The following HELLS variants were observed in gnomAD, a reference collection of about 807,000 sequenced individuals.
HELLS encodes lymphoid-specific helicase.
Under a neutral mutation model 120.0 loss-of-function variants are expected in HELLS, and 32 were observed. The observed-to-expected ratio is 0.27, with a 90% CI of 0.20 to 0.36. The LOEUF is 0.36. Among genes scored for constraint, HELLS ranks in the 10% least tolerant of loss-of-function variants. The pLI is 1.00. For synonymous variants in HELLS, 341 were observed against 323.4 expected (o/e 1.05, Z -0.58); for missense variants, 650 against 993.4 (o/e 0.65, Z 4.65).
Position 94,588,216 on chromosome 10 carries a change from G to A in HELLS, c.1327-13G>A. 6.5e-7 allele frequency: 1 copy of A among 1,537,270 alleles called. No homozygotes were observed. Among genetic ancestry groups the A allele is most frequent in the Non-Finnish European group, 8.9e-7 (1 of 1,118,726 alleles). ...TTAATACTCATATTTTTCTGTTCATGTTTTAATTTTAGATTTTAACACCTT... is the reference window on the plus strand; with the variant it reads ...TTAATACTCATATTTTTCTGTTCATATTTTAATTTTAGATTTTAACACCTT... On this transcript the variant is annotated splice_polypyrimidine_tract_variant and intron_variant, in intron 12 of 21. Coordinates refer to ENST00000348459, the MANE Select transcript of HELLS (RefSeq NM_018063.5).
chr10:94,613,243 T>C (rs1846211742), exon 10 of HELLS: 1 of 152,238 alleles, frequency 6.6e-6, no homozygotes, highest in African/African-American at 2.4e-5. Flanking sequence ...ATTTGCCTAA[T>C]TTTTGCCATT....
intron 6 of HELLS, among the ~76,000 whole-genome samples, chr10:94,566,654 C>CT (rs35226277): frequency 1.1e-3 from 155 of 142,168 alleles, no homozygotes; most frequent in Admixed American, 1.1e-3. Flanking sequence ...TTTTTCTTTT[C>CT]TTTTTTTTTT....
chr10:94,597,211 A>T, intron 21 of HELLS, 100 bp downstream of exon 21: 1 of 628,326 alleles, frequency 1.6e-6, no homozygotes, highest in Non-Finnish European at 2.8e-6. Context: ...ACATGTATCC[A>T]ATCTTGTTTT....
intron 6 of HELLS, chr10:94,570,450 T>C (rs1288417009): frequency 6.6e-6 from 1 of 152,142 alleles, no homozygotes; most frequent in African/African-American, 2.4e-5. Context: ...ACACACGATA[T>C]ACATATATTC....
At chr10:94,608,824 T>A (rs946554167) in intron 9 of HELLS, among the ~76,000 whole-genome samples, 9 of 151,918 alleles carry the variant, frequency 5.9e-5, no homozygotes, top group Non-Finnish European at 1.2e-4. Context: ...TTTTTTTAAA[T>A]TTTTTTAAAG....
chr10:94,590,360 A>G, intron 13 of HELLS, 53 bp from the exon 14 acceptor site: 1 of 1,462,764 alleles, frequency 6.8e-7, no homozygotes, highest in Non-Finnish European at 9.3e-7. Context: ...TACATTTAGA[A>G]CCTAAGGACA....
intron 16 of HELLS, 24 bp from the exon 17 acceptor site, chr10:94,592,371 A>G: frequency 1.3e-6 from 2 of 1,578,430 alleles, no homozygotes; most frequent in South Asian, 1.2e-5. Context: ...ATCATTAGAA[A>G]TATTAAGATA....
intron 8 of HELLS, among the ~76,000 whole-genome samples, chr10:94,607,371 G>A (rs890379598): frequency 9.2e-5 from 14 of 151,946 alleles, no homozygotes; most frequent in Non-Finnish European, 2.1e-4. Context: ...ATTGTCTGGG[G>A]GTGTTTAACA....
intron 13 of HELLS, among the ~76,000 whole-genome samples, chr10:94,589,680 C>CT (rs67491329): frequency 0.082 from 7,509 of 91,906 alleles, 747 homozygotes; most frequent in African/African-American, 0.17. Flanking sequence ...CTCCCCCCGA[C>CT]TTTTTTTTTT....
At chr10:94,560,559 G>A (rs1052665655) in intron 4 of HELLS, among the ~76,000 whole-genome samples, 1 of 151,930 alleles carries the variant, frequency 6.6e-6, no homozygotes, top group African/African-American at 2.4e-5. Context: ...AGCTGGGCGT[G>A]GTGGTGTGTG....
exon 10 of HELLS, chr10:94,610,917 A>C (rs1457927038): frequency 6.6e-6 from 1 of 152,212 alleles, no homozygotes; most frequent in Non-Finnish European, 1.5e-5. Flanking sequence ...ATAGTAAGAT[A>C]AAAAGTAAAA....
In HELLS at chr10:94,551,901, G is replaced by A. The variant is rs909873925; in HGVS notation, c.154-2225G>A. ...ACTACAGGCGCCTGCAACCACACGC[G>A]GCTAATTTTTTGTATTTTTAGTAGA... On this transcript the variant is annotated intron_variant, in intron 2 of 21. Transcript: ENST00000348459. 4.0e-5 allele frequency among the ~76,000 whole-genome samples: 6 copies of A among 151,792 alleles called. No individual in the cohort carries two copies. The East Asian group carries it at 1.2e-3, about 30-fold the overall frequency.
At chr10:94,558,035 C>T (rs1342173508) in intron 3 of HELLS, 104 bp from the exon 4 acceptor site, 2 of 1,393,318 alleles carry the variant, frequency 1.4e-6, no homozygotes, top group Non-Finnish European at 1.9e-6. Context: ...TTATGATAGA[C>T]CTTAGTTTCT....
At chr10:94,606,354 TG>T (rs201935886), downstream of HELLS, among the ~76,000 whole-genome samples, 4 of 151,696 alleles carry the variant, frequency 2.6e-5, no homozygotes, top group South Asian at 2.1e-4. Flanking sequence ...AGAATTTTTT[TG>T]TTTGAATGAG....
At chr10:94,585,379 GTTTTTGTT>G (rs1845078603) in intron 12 of HELLS, among the ~76,000 whole-genome samples, 1 of 92,102 alleles carries the variant, frequency 1.1e-5, no homozygotes, top group Non-Finnish European at 2.3e-5. Flanking sequence ...TTTTTTGTTT[GTTTTTGTT>G]TTTTTTTTTG....
intron 9 of HELLS, 79 bp from the exon 10 acceptor site, chr10:94,576,581 CAG>C (rs1844496656): frequency 2.8e-6 from 2 of 705,140 alleles, no homozygotes; most frequent in South Asian, 9.6e-5. Flanking sequence ...TTTTTTCCCT[CAG>C]AATGATTTAT....
chr10:94,547,050 T>C (rs763186086), intron 2 of HELLS, among the ~76,000 whole-genome samples: 2 of 152,228 alleles, frequency 1.3e-5, no homozygotes, highest in Non-Finnish European at 2.9e-5. Flanking sequence ...TAAGATTCTT[T>C]AGCTAAAAAT....
chr10:94,565,310 G>A (rs1467427216), intron 6 of HELLS, among the ~76,000 whole-genome samples: 1 of 152,150 alleles, frequency 6.6e-6, no homozygotes, highest in African/African-American at 2.4e-5. Flanking sequence ...ACTCCAGCCT[G>A]GGCAGCAGAG....
intron 2 of HELLS, among the ~76,000 whole-genome samples, chr10:94,552,271 A>G (rs988307497): frequency 1.3e-5 from 2 of 152,230 alleles, no homozygotes; most frequent in South Asian, 2.1e-4. Context: ...CATATCTACT[A>G]TCTAATCTAT....
Sources: allele counts gnomAD v4.1 joint callset (sites outside exome capture counted in the v4.1 genomes callset), GRCh38; gene constraint gnomAD v4.1.1; transcripts MANE v1.5; gene names NCBI Gene and HGNC (gene_info 2026-07-23, HGNC 2026-07-21).